Variants in IVNS1ABP observed in about 807,000 individuals in gnomAD.
The protein encoded by IVNS1ABP is influenza virus NS1A-binding protein.
Under a neutral mutation model 78.9 loss-of-function variants are expected in IVNS1ABP, and 25 were observed. The observed-to-expected ratio is 0.32, with a 90% CI of 0.23 to 0.44. The LOEUF (loss-of-function observed/expected upper bound fraction) is 0.44, where lower values mean the gene tolerates loss of function less well. Among genes scored for constraint, IVNS1ABP ranks in the 20% least tolerant of loss-of-function variants. The pLI, the probability that IVNS1ABP is intolerant of heterozygous loss-of-function variation, is 1.00. For synonymous variants in IVNS1ABP, 241 were observed against 259.7 expected, an observed-to-expected ratio of 0.93 and a Z score of 0.69; for missense variants, 494 against 768.9, an observed-to-expected ratio of 0.64 and a Z score of 4.23.
intron 8 of IVNS1ABP, among the ~76,000 whole-genome samples, chr1:185,304,955 T>C (rs1350977233): frequency 6.6e-6 from 1 of 152,172 alleles, no homozygotes; most frequent in Non-Finnish European, 1.5e-5. Flanking sequence ...AAAAATGAAA[T>C]TGGATTTTAT....
intron 2 of IVNS1ABP, 44 bp from the exon 3 acceptor site, chr1:185,309,555 T>C (rs1039493642): frequency 6.4e-6 from 6 of 941,038 alleles, no homozygotes; most frequent in East Asian, 4.8e-5. Context: ...TTGCAACTGA[T>C]GGTTTTAAAA....
Position 185,309,422 on chromosome 1 carries a change from G to T in IVNS1ABP, c.72C>A (p.Ala24=). ...CACAGAACTGGCCACTTTTCCTCAG[G>T]GCATTTAATTTGGCAACAGAAGACT... ...FIESSVAKLN[A]LRKSGQFCDV... Residue 24 remains alanine (A), a synonymous_variant, in exon 3 of 15, where the codon GCC becomes GCA. Coordinates refer to ENST00000367498, the MANE Select transcript of IVNS1ABP (RefSeq NM_006469.5). 4 of 1,612,320 alleles carry T rather than the reference G, an allele frequency of 2.5e-6. No individual in the cohort carries two copies. Among genetic ancestry groups the T allele is most frequent in the Non-Finnish European group, 2.5e-6 (3 of 1,178,942 alleles).
chr1:185,300,915 G>A (rs1665578104), intron 10 of IVNS1ABP, 57 bp downstream of exon 10: 1 of 1,340,202 alleles, frequency 7.5e-7, no homozygotes, highest in South Asian at 1.2e-5. Context: ...TTGAAAGTTT[G>A]CATGTCACAA....
At chr1:185,314,894 C>T (rs1453409500) in intron 1 of IVNS1ABP, among the ~76,000 whole-genome samples, 1 of 152,124 alleles carries the variant, frequency 6.6e-6, no homozygotes, top group Non-Finnish European at 1.5e-5. Flanking sequence ...TGGTTTGAGA[C>T]GTTCTAATGC....
At position 185,317,241 on chromosome 1, in the gene IVNS1ABP, A is replaced by G. The variant is rs958471817; in HGVS notation, c.-535T>C. ...CGACCTCCACGCGCGACCGGGAGACACTGCCTCCGCCGCCGCCGACCGCTC... is the reference window on the plus strand; with the variant it reads ...CGACCTCCACGCGCGACCGGGAGACGCTGCCTCCGCCGCCGCCGACCGCTC... On this transcript the variant is annotated 5_prime_UTR_variant, in exon 1 of 15. Transcript: ENST00000367498. The G allele has an allele frequency of 1.0e-5, 4 of 398,294 alleles. No homozygotes were observed. Among genetic ancestry groups the G allele is most frequent in the Non-Finnish European group, 1.8e-5 (4 of 226,028 alleles). 24.7% of individuals were successfully genotyped at this position (398,294 alleles called of 1,614,324 possible). A position where few individuals can be genotyped will look rare whatever the true frequency, so the allele number is the denominator to read the frequency against.
chr1:185,302,880 A>G (rs1665637776), intron 8 of IVNS1ABP, among the ~76,000 whole-genome samples: 1 of 152,140 alleles, frequency 6.6e-6, no homozygotes, highest in African/African-American at 2.4e-5. Flanking sequence ...AAGATTAGGA[A>G]TTATGAAGAT....
In IVNS1ABP at chr1:185,309,080, A is replaced by G. The variant is rs1665817077; in HGVS notation, c.204T>C (p.His68=). The G allele has an allele frequency of 1.2e-6, 2 of 1,613,174 alleles. No homozygotes were observed. The highest frequency in any genetic ancestry group is 1.3e-5 in the African/African-American group (1 of 74,904). ...CATCAAATTTAACGTGAGAAATTCC[A>G]TGAGGATCACTATCACTATTAAAGA... is the stretch of plus-strand genomic sequence containing the variant. ...FEIFNSDSDP[H]GISHVKFDDL... The change falls in exon 4 of 15, where the codon CAT becomes CAC. Residue 68 remains histidine (H), a synonymous_variant. Transcript: ENST00000367498.
rs760318258 is a variant in IVNS1ABP at position 185,305,495 on chromosome 1, A to C, written c.765+41T>G. On this transcript the variant is annotated intron_variant, in intron 8 of 14. Transcript: ENST00000367498. This position sits in a 1 kb window ranked among gnomAD's most constrained non-coding sequence, Gnocchi z 4.0. ...AAGTATGCTATCAAATTCTCTAGTCAAATTTTAACCTGAGGTTACCTCAGA... is the reference window on the plus strand; with the variant it reads ...AAGTATGCTATCAAATTCTCTAGTCCAATTTTAACCTGAGGTTACCTCAGA... 33 of 1,606,698 alleles carry C rather than the reference A, an allele frequency of 2.1e-5. No individual in the cohort carries two copies. The Admixed American group carries it at 5.6e-4, about 27-fold the overall frequency.
rs61824148 is a variant in IVNS1ABP, at chr1:185,298,346, C to A, written c.1676-58G>T. On this transcript the variant is annotated intron_variant, in intron 14 of 14. Coordinates refer to ENST00000367498, the MANE Select transcript of IVNS1ABP (RefSeq NM_006469.5). This position sits in a 1 kb window ranked among gnomAD's most constrained non-coding sequence, Gnocchi z 4.1. ...GATTAAAGTGTAATAAGGTAAAACT[C>A]CCCTAAATCTGTCTTTTGCTTAAAA... The A allele has an allele frequency of 6.8e-7, 1 of 1,465,472 alleles. No individual in the cohort carries two copies. Among genetic ancestry groups the A allele is most frequent in the Non-Finnish European group, 9.3e-7 (1 of 1,074,976 alleles). The allele number at this position is 1,465,472 out of a possible 1,614,324, so 90.8% of individuals were successfully genotyped here. A position where few individuals can be genotyped will look rare whatever the true frequency, so the allele number is the denominator to read the frequency against.
chr1:185,300,275 A>G lies in IVNS1ABP; in HGVS notation c.1311T>C (p.Asp437=). The change falls in exon 12 of 15, where the codon GAT becomes GAC. Residue 437 remains aspartate (D), a synonymous_variant. Coordinates refer to ENST00000367498, the MANE Select transcript of IVNS1ABP (RefSeq NM_006469.5). ...SDDLSCGEMY[D]SNIDDWIPVP... ...CAGGAATCCAGTCATCTATGTTTGA[A>G]TCATACATCTCTCCACAACTCAGGT... The G allele has an allele frequency of 6.2e-7, 1 of 1,613,382 alleles. No homozygotes were observed. Among genetic ancestry groups the G allele is most frequent in the Non-Finnish European group, 8.5e-7 (1 of 1,179,716 alleles).
rs952739733 is a variant in IVNS1ABP, at chr1:185,296,955, AG to A, written c.*1079del. 24 of 152,290 alleles carry A rather than the reference AG, an allele frequency of 1.6e-4. No individual in the cohort carries two copies. Among genetic ancestry groups the A allele is most frequent in the African/African-American group, 4.8e-4 (20 of 41,572 alleles). 9.4% of individuals were successfully genotyped at this position (152,290 alleles called of 1,614,324 possible). The stretch of plus-strand genomic sequence containing the variant: ...TGTGTTTAAATCAGCAGCAAGCATT[AG>A]GACATGCTATTTTGGCCCCATAAGT... On this transcript the variant is annotated 3_prime_UTR_variant, in exon 15 of 15. Transcript: ENST00000367498.
chr1:185,308,967 T>C (rs1665814457), intron 4 of IVNS1ABP, 36 bp downstream of exon 4: 1 of 1,585,018 alleles, frequency 6.3e-7, no homozygotes. Context: ...TCTGAAGATA[T>C]TCCCTAATTA....
chr1:185,314,941 T>C lies in IVNS1ABP; in HGVS notation c.-247+2012A>G, dbSNP rs931275728. On this transcript the variant is annotated intron_variant, in intron 1 of 14. Coordinates refer to ENST00000367498, the MANE Select transcript of IVNS1ABP (RefSeq NM_006469.5). ...CATGTTAATAACAAAAATATAATAG[T>C]ATGATGTTAAGTATAGGTTCAGAAA... 5.9e-5 allele frequency among the ~76,000 whole-genome samples: 9 copies of C among 152,192 alleles called. No homozygotes were observed. The East Asian group carries it at 9.6e-4, about 16-fold the overall frequency.
intron 1 of IVNS1ABP, among the ~76,000 whole-genome samples, chr1:185,316,038 T>G (rs1454084517): frequency 3.9e-5 from 6 of 152,150 alleles, no homozygotes; most frequent in African/African-American, 1.2e-4. Flanking sequence ...CAAGTAGTGG[T>G]TCAAGTTACC....
chr1:185,307,042 C>G lies in IVNS1ABP; in HGVS notation c.629G>C (p.Gly210Ala). The G allele has an allele frequency of 6.2e-7, 1 of 1,613,526 alleles. No homozygotes were observed. Among genetic ancestry groups the G allele is most frequent in the South Asian group, 1.1e-5 (1 of 91,068 alleles). Residue 210 changes from glycine (G) to alanine (A), a missense_variant, in exon 7 of 15, where the codon GGA (glycine) becomes GCA (alanine). Physicochemically the swap from Gly to Ala is moderately conservative, Grantham distance 60. Coordinates refer to ENST00000367498, the MANE Select transcript of IVNS1ABP (RefSeq NM_006469.5). ...TTCCATCAGCTCTTCCAGACTGTCT[C>G]CATTCTCCCAGATGCTACGCTGCAC... ...NWVQRSIWEN[G>A]DSLEELMEEV...
rs996219734 is a variant in IVNS1ABP, at chr1:185,316,975, G to A, written c.-269C>T. On this transcript the variant is annotated 5_prime_UTR_variant, in exon 1 of 15. Coordinates refer to ENST00000367498, the MANE Select transcript of IVNS1ABP (RefSeq NM_006469.5). Reference sequence around the variant, plus strand: ...TACCTGGTTCATCTCTGAAGAGATGGAAACATTCATTTCTAGAGCTTCGAT... The same window carrying A: ...TACCTGGTTCATCTCTGAAGAGATGAAAACATTCATTTCTAGAGCTTCGAT... 5.0e-6 allele frequency: 2 copies of A among 398,454 alleles called. No individual in the cohort carries two copies. The highest frequency in any genetic ancestry group is 8.8e-6 in the Non-Finnish European group (2 of 226,056). 24.7% of individuals were successfully genotyped at this position (398,454 alleles called of 1,614,324 possible).
At chr1:185,315,713 T>A (rs1310620934) in intron 1 of IVNS1ABP, among the ~76,000 whole-genome samples, 1 of 152,186 alleles carries the variant, frequency 6.6e-6, no homozygotes, top group Non-Finnish European at 1.5e-5. Flanking sequence ...TCATCAGTAT[T>A]TTGTTTTTCC....
intron 1 of IVNS1ABP, among the ~76,000 whole-genome samples, chr1:185,316,168 A>G (rs1162722609): frequency 6.6e-6 from 1 of 152,220 alleles, no homozygotes; most frequent in Non-Finnish European, 1.5e-5. Flanking sequence ...TCTTTCATAA[A>G]AAAGAAAGAG....
rs1163218442 is a variant in IVNS1ABP at position 185,305,525 on chromosome 1, G to T, written c.765+11C>A. 1.2e-6 allele frequency: 2 copies of T among 1,612,456 alleles called. No homozygotes were observed. Among genetic ancestry groups the T allele is most frequent in the Non-Finnish European group, 1.7e-6 (2 of 1,179,210 alleles). On this transcript the variant is annotated intron_variant, in intron 8 of 14. Coordinates refer to ENST00000367498, the MANE Select transcript of IVNS1ABP (RefSeq NM_006469.5). The surrounding 1 kb of genome is among the most constrained non-coding windows in gnomAD (Gnocchi z 4.0). ...TTAACCTGAGGTTACCTCAGACTGT[G>T]CAATGTGTACCTGCACAAACTGAAT...
Sources: allele counts gnomAD v4.1 joint callset (sites outside exome capture counted in the v4.1 genomes callset), GRCh38; gene constraint gnomAD v4.1.1; non-coding constraint Gnocchi (gnomAD v3.1); transcripts MANE v1.5; gene names NCBI Gene and HGNC (gene_info 2026-07-23, HGNC 2026-07-21).